Variants in ELAVL2 observed in about 807,000 individuals in gnomAD.
ELAVL2 encodes ELAV-like protein 2.
In ELAVL2, 4 loss-of-function variants were observed where a neutral mutation model predicts 34.6. That is an observed-to-expected ratio of 0.12 (90% CI 0.06 to 0.26). The LOEUF is 0.26. Among genes scored for constraint, ELAVL2 ranks in the 10% least tolerant of loss-of-function variants. The pLI, the probability that ELAVL2 is intolerant of heterozygous loss-of-function variation, is 1.00. For synonymous variants in ELAVL2, 193 were observed against 154.8 expected (o/e 1.25, Z -1.83); for missense variants, 432 against 442.8 (o/e 0.98, Z 0.22).
intron 3 of ELAVL2, among the ~76,000 whole-genome samples, chr9:23,708,226 C>T (rs983049296): frequency 3.3e-5 from 5 of 152,110 alleles, no homozygotes; most frequent in African/African-American, 1.2e-4. Context: ...AAACTTACGT[C>T]GGTAACAATG....
intron 1 of ELAVL2, among the ~76,000 whole-genome samples, chr9:23,809,822 A>C (rs548942416): frequency 5.6e-4 from 86 of 152,262 alleles, no homozygotes; most frequent in African/African-American, 2.0e-3. Context: ...ACTCCCAACC[A>C]ATTTTTCTGA....
At position 23,826,123 on chromosome 9, in the gene ELAVL2, C is replaced by A. The variant is rs2065279745; in HGVS notation, c.-333G>T. ...CAAACCAAGGAACAAAGAAAAGAGA[C>A]GAAAGAACGTTTTTTCAAAAAGACG... On this transcript the variant is annotated 5_prime_UTR_variant, in exon 1 of 7. Coordinates refer to ENST00000397312, the MANE Select transcript of ELAVL2 (RefSeq NM_004432.5). 1 of 152,132 alleles carries A rather than the reference C, an allele frequency of 6.6e-6. No homozygotes were observed. Among genetic ancestry groups the A allele is most frequent in the South Asian group, 2.1e-4 (1 of 4,822 alleles). 9.4% of individuals were successfully genotyped at this position (152,132 alleles called of 1,614,324 possible).
At chr9:23,748,619 T>TA (rs1206634582) in intron 2 of ELAVL2, among the ~76,000 whole-genome samples, 2 of 151,782 alleles carry the variant, frequency 1.3e-5, no homozygotes, top group African/African-American at 4.8e-5. Context: ...GCAAAGGGGG[T>TA]AAGATGAAGT....
At chr9:23,778,677 G>C (rs560549007) in intron 1 of ELAVL2, among the ~76,000 whole-genome samples, 1 of 152,260 alleles carries the variant, frequency 6.6e-6, no homozygotes, top group East Asian at 1.9e-4. Flanking sequence ...GGTTCAGAAT[G>C]TCAGAGTACT....
chr9:23,837,498 CA>C, the ELAVL2 span, among the ~76,000 whole-genome samples: 1 of 152,246 alleles, frequency 6.6e-6, no homozygotes, highest in African/African-American at 2.4e-5. Flanking sequence ...TGCATTAAAT[CA>C]GTTAACTCTC....
intron 2 of ELAVL2, among the ~76,000 whole-genome samples, chr9:23,743,593 A>T (rs892854905): frequency 6.6e-6 from 1 of 152,192 alleles, no homozygotes; most frequent in Non-Finnish European, 1.5e-5. Flanking sequence ...TATCTAAATC[A>T]TATACCCAGC....
intron 2 of ELAVL2, among the ~76,000 whole-genome samples, chr9:23,736,625 A>G (rs975907691): frequency 6.6e-6 from 1 of 152,148 alleles, no homozygotes. Flanking sequence ...AAGTTCTGCC[A>G]CACCCGCATC....
intron 4 of ELAVL2, among the ~76,000 whole-genome samples, chr9:23,703,085 G>A (rs73468792): frequency 0.05 from 7,428 of 150,052 alleles, 583 homozygotes; most frequent in African/African-American, 0.17. Flanking sequence ...AGTAGGTTCT[G>A]AATGAAGCCC....
intron 1 of ELAVL2, among the ~76,000 whole-genome samples, chr9:23,782,672 C>G (rs2059217709): frequency 6.6e-6 from 1 of 152,188 alleles, no homozygotes; most frequent in Admixed American, 6.5e-5. Context: ...AAGATTTAGC[C>G]TGAAGACAAT....
intron 2 of ELAVL2, among the ~76,000 whole-genome samples, chr9:23,742,271 T>A (rs1191572665): frequency 1.3e-5 from 2 of 152,164 alleles, no homozygotes; most frequent in African/African-American, 4.8e-5. Flanking sequence ...CTCAATCCTC[T>A]TTCTGCCCCC....
intron 2 of ELAVL2, among the ~76,000 whole-genome samples, chr9:23,736,446 G>C (rs1427768302): frequency 6.6e-6 from 1 of 152,086 alleles, no homozygotes; most frequent in Non-Finnish European, 1.5e-5. Context: ...GAAGAAAATA[G>C]AGCTAAGGAG....
At chr9:23,782,595 G>T (rs1158120765) in intron 1 of ELAVL2, among the ~76,000 whole-genome samples, 3 of 151,758 alleles carry the variant, frequency 2.0e-5, no homozygotes, top group African/African-American at 4.8e-5. Flanking sequence ...CAAACGAAAA[G>T]AAACCAAACC....
At chr9:23,702,589 A>G (rs1485190817) in intron 4 of ELAVL2, among the ~76,000 whole-genome samples, 2 of 152,092 alleles carry the variant, frequency 1.3e-5, no homozygotes, top group East Asian at 3.9e-4. Context: ...GAGCTTAAAA[A>G]AAAAAAAAGA....
chr9:23,759,943 A>C (rs905443754), intron 2 of ELAVL2, among the ~76,000 whole-genome samples: 1 of 151,442 alleles, frequency 6.6e-6, no homozygotes, highest in Non-Finnish European at 1.5e-5. Context: ...CAAGCCACTG[A>C]AAAGACAACA....
At chr9:23,784,041 C>CAA (rs879714651) in intron 1 of ELAVL2, among the ~76,000 whole-genome samples, 14 of 151,654 alleles carry the variant, frequency 9.2e-5, no homozygotes, top group Non-Finnish European at 1.0e-4. Flanking sequence ...AAAAAAAATA[C>CAA]AAAAAAATTA....
At chr9:23,752,334 G>T (rs981986682) in intron 2 of ELAVL2, among the ~76,000 whole-genome samples, 2 of 152,088 alleles carry the variant, frequency 1.3e-5, no homozygotes. Flanking sequence ...GTGTCCAGTA[G>T]GCCACCTCCC....
chr9:23,804,184 T>TA (rs1026087670), intron 1 of ELAVL2, among the ~76,000 whole-genome samples: 16 of 151,352 alleles, frequency 1.1e-4, no homozygotes, highest in Admixed American at 2.6e-4. Flanking sequence ...TTTATTTATT[T>TA]TTTTTTTGAG....
intron 1 of ELAVL2, among the ~76,000 whole-genome samples, chr9:23,817,982 TTAAC>T (rs1488693157): frequency 1.3e-5 from 2 of 152,224 alleles, no homozygotes; most frequent in South Asian, 2.1e-4. Context: ...CCTTAAATAA[TTAAC>T]TAGCACTATA....
In ELAVL2 at chr9:23,709,395, T is replaced by G. The variant is rs114414181; in HGVS notation, c.334-4324A>C. On this transcript the variant is annotated intron_variant, in intron 3 of 6. Coordinates refer to ENST00000397312, the MANE Select transcript of ELAVL2 (RefSeq NM_004432.5). ...AAGGACTCACACTCTGGAGATCAAA[T>G]CAGTTACCAAACTAAATTTTGTATC... Among the ~76,000 whole-genome samples the G allele has an allele frequency of 6.7e-3, 1,018 of 152,202 alleles. 12 individuals carry two copies. The highest frequency in any genetic ancestry group is 0.024 in the African/African-American group (978 of 41,542).
Sources: gnomAD v4.1 joint callset for allele counts (sites outside exome capture counted in the v4.1 genomes callset) on GRCh38, gnomAD v4.1.1 for gene constraint, MANE v1.5 for transcripts, NCBI Gene and HGNC (gene_info 2026-07-23, HGNC 2026-07-21) for gene names.